The following RNF216 variants were observed in gnomAD, a reference collection of about 807,000 sequenced individuals.
RNF216 encodes the protein E3 ubiquitin-protein ligase RNF216.
In RNF216, 72 loss-of-function variants were observed where a neutral mutation model predicts 110.8. That is an observed-to-expected ratio of 0.65 (90% CI 0.54 to 0.79). RNF216 has a LOEUF of 0.79. RNF216 is among the 30% of genes least tolerant of loss of function. RNF216 has a pLI of 0.00. For missense variants in RNF216, 1,342 were observed against 1,141.2 expected (o/e 1.18, Z -2.54); for synonymous variants, 495 against 407.5 (o/e 1.21, Z -2.59).
At chr7:5,643,783 G>C (rs140829811) in intron 14 of RNF216, among the ~76,000 whole-genome samples, 95 of 152,276 alleles carry the variant, frequency 6.2e-4, no homozygotes, top group Non-Finnish European at 4.6e-4. Context: ...CTAGTTCCAA[G>C]AGACTTTTAT....
chr7:5,749,756 G>A (rs190467435), intron 3 of RNF216, among the ~76,000 whole-genome samples: 4 of 152,156 alleles, frequency 2.6e-5, no homozygotes, highest in African/African-American at 7.2e-5. Context: ...GTTTGAGTTC[G>A]TACTATCGGA....
intron 13 of RNF216, among the ~76,000 whole-genome samples, chr7:5,676,000 C>A (rs965412599): frequency 6.7e-6 from 1 of 148,960 alleles, no homozygotes; most frequent in Non-Finnish European, 1.5e-5. Context: ...TGAGCTACTG[C>A]GCCTGGCCCT....
intron 13 of RNF216, among the ~76,000 whole-genome samples, chr7:5,699,036 G>T (rs2128619613): frequency 6.6e-6 from 1 of 151,930 alleles, no homozygotes; most frequent in African/African-American, 2.4e-5. Context: ...TTTTTGACTT[G>T]TTTTTTTTAA....
At chr7:5,654,199 C>T (rs1788585831) in intron 13 of RNF216, among the ~76,000 whole-genome samples, 1 of 152,174 alleles carries the variant, frequency 6.6e-6, no homozygotes, top group South Asian at 2.1e-4. Context: ...AGGGGACTGA[C>T]TTGAGAGCAA....
rs750685532 is a variant in RNF216, at chr7:5,725,397, T to C, written c.1431A>G (p.Pro477=). 23 of 1,613,948 alleles carry C rather than the reference T, an allele frequency of 1.4e-5. No homozygotes were observed. The highest frequency in any genetic ancestry group is 5.0e-5 in the Admixed American group (3 of 60,028). The change falls in exon 8 of 17, where the codon CCA becomes CCG. Residue 477 remains proline, a synonymous_variant. Transcript: ENST00000389902. ...TCTTCTTCCTTTTTCCACTGGTTTC[T>C]GGTGACAGCTCCTGCCATTTTTTAA... is the stretch of plus-strand genomic sequence containing the variant. ...DAIKKWQELS[P]ETSGKRKKRK...
chr7:5,773,080 C>T (rs1796583880), intron 1 of RNF216, among the ~76,000 whole-genome samples: 1 of 152,016 alleles, frequency 6.6e-6, no homozygotes, highest in African/African-American at 2.4e-5. Flanking sequence ...ATGCCTGGCC[C>T]CAGGTATTCC....
chr7:5,677,565 G>A (rs930161037), intron 13 of RNF216, among the ~76,000 whole-genome samples: 1 of 152,222 alleles, frequency 6.6e-6, no homozygotes, highest in African/African-American at 2.4e-5. Context: ...ACCATCCTAA[G>A]CACTTTGGGC....
intron 13 of RNF216, among the ~76,000 whole-genome samples, chr7:5,691,901 C>T (rs1410087268): frequency 3.3e-5 from 5 of 152,234 alleles, no homozygotes; most frequent in Admixed American, 6.5e-5. Flanking sequence ...CAGCGGAAGT[C>T]AAGACAAGTA....
chr7:5,653,915 C>T (rs1788564604), intron 13 of RNF216, among the ~76,000 whole-genome samples: 1 of 152,212 alleles, frequency 6.6e-6, no homozygotes, highest in Non-Finnish European at 1.5e-5. Flanking sequence ...AGACAGTAAG[C>T]ATGGCCCTGG....
At chr7:5,699,193 C>G (rs1791816534) in intron 13 of RNF216, among the ~76,000 whole-genome samples, 1 of 152,206 alleles carries the variant, frequency 6.6e-6, no homozygotes, top group Non-Finnish European at 1.5e-5. Context: ...CATCCCTCCT[C>G]CTTCAGTATA....
chr7:5,704,032 A>G (rs1792133227), intron 13 of RNF216, among the ~76,000 whole-genome samples: 1 of 152,202 alleles, frequency 6.6e-6, no homozygotes, highest in Admixed American at 6.5e-5. Context: ...AGCACACTGA[A>G]AACAAACTAA....
At chr7:5,659,015 G>C (rs1030714660) in intron 13 of RNF216, among the ~76,000 whole-genome samples, 13 of 152,286 alleles carry the variant, frequency 8.5e-5, no homozygotes, top group African/African-American at 2.9e-4. Flanking sequence ...AACTGGAAGA[G>C]TCTATGAAAG....
At chr7:5,669,087 C>G (rs1056733799) in intron 13 of RNF216, among the ~76,000 whole-genome samples, 28 of 152,114 alleles carry the variant, frequency 1.8e-4, no homozygotes, top group Admixed American at 3.3e-4. Flanking sequence ...CTACAGATGG[C>G]CCCCCTTGGT....
intron 15 of RNF216, among the ~76,000 whole-genome samples, chr7:5,628,798 C>T (rs555197380): frequency 1.3e-5 from 2 of 151,952 alleles, no homozygotes; most frequent in East Asian, 3.9e-4. Context: ...GTTGGGATTA[C>T]AGGCATGAGC....
chr7:5,742,969 AT>A (rs1327952527), intron 3 of RNF216, among the ~76,000 whole-genome samples: 7 of 152,110 alleles, frequency 4.6e-5, no homozygotes, highest in African/African-American at 1.7e-4. Context: ...ATTTATTAAA[AT>A]AAAAAACGTA....
chr7:5,649,365 AC>A (rs1788244685), intron 14 of RNF216, among the ~76,000 whole-genome samples: 1 of 147,946 alleles, frequency 6.8e-6, no homozygotes, highest in Non-Finnish European at 1.5e-5. Context: ...TAGGTGACAG[AC>A]GGAGACTCCG....
Position 5,741,685 on chromosome 7 carries a change from A to C in RNF216, c.332T>G (p.Phe111Cys). The change falls in exon 4 of 17, where the codon TTT becomes TGT. Residue 111 changes from phenylalanine to cysteine, a missense_variant. Physicochemically the swap from Phe to Cys is radical, Grantham distance 205 (BLOSUM62 -2). Coordinates refer to ENST00000389902, the MANE Select transcript of RNF216 (RefSeq NM_207111.4). ...AAACAATGGGTTGTTACACACTGAA[A>C]AATAGCTGCTCTTATCTGATTCAAA... ...AAFESDKSSY[F>C]SVCNNPLFDS... 2 of 1,614,218 alleles carry C rather than the reference A, an allele frequency of 1.2e-6. No homozygotes were observed. The highest frequency in any genetic ancestry group is 1.7e-6 in the Non-Finnish European group (2 of 1,180,052).
intron 1 of RNF216, among the ~76,000 whole-genome samples, chr7:5,778,374 T>C (rs1202225417): frequency 1.3e-5 from 2 of 152,246 alleles, no homozygotes; most frequent in African/African-American, 4.8e-5. Context: ...AAATTGTTCC[T>C]GATTATCCCC....
chr7:5,629,289 C>A (rs1475750011), intron 15 of RNF216, among the ~76,000 whole-genome samples: 1 of 150,658 alleles, frequency 6.6e-6, no homozygotes, highest in Non-Finnish European at 1.5e-5. Flanking sequence ...CCAGCAAGGG[C>A]AACACAGTGA....
Sources: gnomAD v4.1 joint callset for allele counts (sites outside exome capture counted in the v4.1 genomes callset) on GRCh38, gnomAD v4.1.1 for gene constraint, MANE v1.5 for transcripts, NCBI Gene and HGNC (gene_info 2026-07-23, HGNC 2026-07-21) for gene names.